Variants in PTPRT observed in about 807,000 individuals in gnomAD.
PTPRT encodes protein tyrosine phosphatase receptor type T.
In PTPRT, 56 loss-of-function variants were observed where a neutral mutation model predicts 176.8. That is an observed-to-expected ratio of 0.32 (90% confidence interval 0.26 to 0.40). The LOEUF (loss-of-function observed/expected upper bound fraction) is 0.40, where lower values mean the gene tolerates loss of function less well. Ranked by LOEUF, PTPRT falls within the 10% of genes least tolerant of loss-of-function variation. PTPRT has a pLI of 1.00. For synonymous variants in PTPRT, 783 were observed against 739.0 expected (o/e 1.06, Z -0.96); for missense variants, 1,540 against 1,908.2 (o/e 0.81, Z 3.60).
At chr20:42,414,640 T>G (rs1012098024) in intron 9 of PTPRT, among the ~76,000 whole-genome samples, 13 of 152,130 alleles carry the variant, frequency 8.5e-5, no homozygotes, top group African/African-American at 3.1e-4. Context: ...AAAAATGTAA[T>G]GCAAGAAGAA....
intron 7 of PTPRT, among the ~76,000 whole-genome samples, chr20:42,519,768 A>G (rs1472216483): frequency 6.6e-6 from 1 of 152,096 alleles, no homozygotes; most frequent in African/African-American, 2.4e-5. Flanking sequence ...TTAATTTTTT[A>G]AAGATTTTAT....
At chr20:42,320,704 G>A (rs1173653085) in intron 11 of PTPRT, among the ~76,000 whole-genome samples, 1 of 152,142 alleles carries the variant, frequency 6.6e-6, no homozygotes, top group African/African-American at 2.4e-5. Flanking sequence ...ATCAGGCAAA[G>A]TCCCAGTCTT....
intron 12 of PTPRT, among the ~76,000 whole-genome samples, chr20:42,284,554 T>C (rs1476868096): frequency 6.6e-6 from 1 of 152,110 alleles, no homozygotes; most frequent in Non-Finnish European, 1.5e-5. Flanking sequence ...ATGTACTAGA[T>C]TCCTTCTTCC....
At chr20:42,389,374 A>G (rs2058777473) in intron 9 of PTPRT, among the ~76,000 whole-genome samples, 1 of 152,174 alleles carries the variant, frequency 6.6e-6, no homozygotes, top group Non-Finnish European at 1.5e-5. Context: ...CTTCTTTCAC[A>G]GCACACATCA....
chr20:42,244,432 A>C (rs548344719), intron 14 of PTPRT, among the ~76,000 whole-genome samples: 1 of 152,224 alleles, frequency 6.6e-6, no homozygotes, highest in South Asian at 2.1e-4. Context: ...CGAGCTGGGC[A>C]GGGGAGCAGG....
intron 3 of PTPRT, among the ~76,000 whole-genome samples, chr20:42,783,854 G>A (rs2077250594): frequency 6.6e-6 from 1 of 152,168 alleles, no homozygotes; most frequent in South Asian, 2.1e-4. Flanking sequence ...CCTGTCTTCA[G>A]GAGGCAGGGG....
chr20:42,938,016 ATG>A (rs1600574534), intron 1 of PTPRT, among the ~76,000 whole-genome samples: 1 of 152,224 alleles, frequency 6.6e-6, no homozygotes, highest in Non-Finnish European at 1.5e-5. Context: ...TGAAATAAAT[ATG>A]TGTTAAAGAT....
intron 15 of PTPRT, among the ~76,000 whole-genome samples, chr20:42,209,932 CA>C: frequency 6.6e-6 from 1 of 152,230 alleles, no homozygotes; most frequent in South Asian, 2.1e-4. Flanking sequence ...AGCAGCACAT[CA>C]AAAAGCTTAT....
intron 2 of PTPRT, among the ~76,000 whole-genome samples, chr20:42,825,040 C>T: frequency 6.6e-6 from 1 of 151,968 alleles, no homozygotes; most frequent in Non-Finnish European, 1.5e-5. Context: ...ATCAAATAAG[C>T]TAAGATTTTG....
intron 15 of PTPRT, among the ~76,000 whole-genome samples, chr20:42,204,827 G>A (rs1313561341): frequency 1.3e-5 from 2 of 152,100 alleles, no homozygotes; most frequent in Admixed American, 6.5e-5. Context: ...ATCATGCTAC[G>A]AGAGGAGGAG....
intron 1 of PTPRT, among the ~76,000 whole-genome samples, chr20:42,903,460 A>T (rs1387318496): frequency 6.6e-6 from 1 of 152,234 alleles, no homozygotes; most frequent in Non-Finnish European, 1.5e-5. Context: ...TACATCAAGT[A>T]AAGACTAGGG....
At chr20:43,143,111 T>C (rs1046260237) in intron 1 of PTPRT, among the ~76,000 whole-genome samples, 1 of 152,124 alleles carries the variant, frequency 6.6e-6, no homozygotes, top group Non-Finnish European at 1.5e-5. Context: ...CTTCTCCCCA[T>C]AAGGAACGGT....
chr20:42,956,290 G>GGGAT (rs1981630421), intron 1 of PTPRT, among the ~76,000 whole-genome samples: 1 of 152,126 alleles, frequency 6.6e-6, no homozygotes. Context: ...TCATGGGGGT[G>GGGAT]GGATCCTCAT....
intron 9 of PTPRT, among the ~76,000 whole-genome samples, chr20:42,424,313 T>TA (rs1382400783): frequency 3.9e-5 from 6 of 152,158 alleles, no homozygotes; most frequent in African/African-American, 1.4e-4. Flanking sequence ...GACAGAAACT[T>TA]AAAGCCCAGA....
At position 42,079,811 on chromosome 20, in the gene PTPRT, T is replaced by C. The variant is rs1259731723; in HGVS notation, c.*1068A>G. 1 of 230,082 alleles carries C rather than the reference T, an allele frequency of 4.3e-6. No individual in the cohort carries two copies. Among genetic ancestry groups the C allele is most frequent in the African/African-American group, 2.2e-5 (1 of 45,146 alleles). The allele number at this position is 230,082 out of a possible 1,614,324, so 14.3% of individuals were successfully genotyped here. A position where few individuals can be genotyped will look rare whatever the true frequency, so the allele number is the denominator to read the frequency against. On this transcript the variant is annotated 3_prime_UTR_variant, in exon 31 of 31. Coordinates refer to ENST00000373187, the MANE Select transcript of PTPRT (RefSeq NM_007050.6). The stretch of plus-strand genomic sequence containing the variant: ...AAGGGACCATCTTCAGGCTCACCCA[T>C]CTCTCCTTGCTCAGTGGCATGCTGT...
At chr20:42,214,978 T>C (rs973353316) in intron 15 of PTPRT, among the ~76,000 whole-genome samples, 1 of 152,258 alleles carries the variant, frequency 6.6e-6, no homozygotes, top group Non-Finnish European at 1.5e-5. Flanking sequence ...ATAATTATAA[T>C]GAATTCTCTT....
rs1477250309 is a variant in PTPRT at position 43,045,185 on chromosome 20, G to A, written c.88+144461C>T. On this transcript the variant is annotated intron_variant, in intron 1 of 30. Transcript: ENST00000373187. ...GAGGATAATTTCTTTTAGAAACAGAGCACCCAAGTCCAAAGGGTAGAGGAT... is the reference window on the plus strand; with the variant it reads ...GAGGATAATTTCTTTTAGAAACAGAACACCCAAGTCCAAAGGGTAGAGGAT... Among the ~76,000 whole-genome samples the A allele has an allele frequency of 2.6e-5, 4 of 152,210 alleles. No homozygotes were observed. The East Asian group carries it at 7.7e-4, about 29-fold the overall frequency.
At chr20:42,828,784 C>T (rs2078039147) in intron 2 of PTPRT, among the ~76,000 whole-genome samples, 1 of 152,158 alleles carries the variant, frequency 6.6e-6, no homozygotes, top group Admixed American at 6.5e-5. Flanking sequence ...TTGGAAACCT[C>T]CACCTAGATT....
intron 1 of PTPRT, among the ~76,000 whole-genome samples, chr20:43,069,911 T>C (rs1041152505): frequency 6.6e-6 from 1 of 152,160 alleles, no homozygotes; most frequent in Non-Finnish European, 1.5e-5. Flanking sequence ...CCAGGAAAGA[T>C]GTCCTGGAAA....
Sources: allele counts gnomAD v4.1 joint callset (sites outside exome capture counted in the v4.1 genomes callset), GRCh38; gene constraint gnomAD v4.1.1; transcripts MANE v1.5; gene names NCBI Gene and HGNC (gene_info 2026-07-23, HGNC 2026-07-21).